The following ADH5 variants were observed in gnomAD, a reference collection of about 807,000 sequenced individuals.
The protein encoded by ADH5 is alcohol dehydrogenase class-3.
A neutral mutation model predicts 40.3 loss-of-function variants in ADH5; 32 were observed. The observed-to-expected ratio is 0.79, with a 90% CI of 0.60 to 1.07. The LOEUF is 1.07. Among genes scored for constraint, ADH5 ranks in the 50% least tolerant of loss-of-function variants. The probability of loss-of-function intolerance (pLI) is 0.00; values close to 1 mark genes in which losing one functional copy is unlikely to be tolerated. For missense variants in ADH5, 353 were observed against 460.5 expected, an observed-to-expected ratio of 0.77 and a Z score of 2.14; for synonymous variants, 125 against 154.3, an observed-to-expected ratio of 0.81 and a Z score of 1.41.
intron 4 of ADH5, among the ~76,000 whole-genome samples, chr4:99,078,779 A>G (rs1727973238): frequency 6.6e-6 from 1 of 152,214 alleles, no homozygotes; most frequent in Admixed American, 6.5e-5. Context: ...ACTGTATTCC[A>G]GAGGAGTTTC....
chr4:99,079,707 G>A (rs540974975), intron 4 of ADH5: 1 of 224,838 alleles, frequency 4.4e-6, no homozygotes, highest in East Asian at 1.5e-4. Flanking sequence ...AGTTCTTTCA[G>A]TGTTGTTACC....
At position 99,072,722 on chromosome 4, in the gene ADH5, T is replaced by C; in HGVS notation, c.962-11A>G. Reference sequence around the variant, plus strand: ...CTACACTCTTCCATCCTAAAAGAAATCACACATTAATTTATTCAACAAATT... The same window carrying C: ...CTACACTCTTCCATCCTAAAAGAAACCACACATTAATTTATTCAACAAATT... On this transcript the variant is annotated splice_polypyrimidine_tract_variant and intron_variant, in intron 7 of 8. Coordinates refer to ENST00000296412, the MANE Select transcript of ADH5 (RefSeq NM_000671.4). 1 of 1,598,518 alleles carries C rather than the reference T, an allele frequency of 6.3e-7. No individual in the cohort carries two copies. The highest frequency in any genetic ancestry group is 8.5e-7 in the Non-Finnish European group (1 of 1,175,124).
chr4:99,087,204 C>T (rs1395557832), intron 1 of ADH5, among the ~76,000 whole-genome samples: 3 of 151,408 alleles, frequency 2.0e-5, no homozygotes, highest in South Asian at 2.1e-4. Flanking sequence ...GCCACTATGG[C>T]GAAACCCCGT....
intron 4 of ADH5, 112 bp from the exon 5 acceptor site, chr4:99,077,035 C>G: frequency 1.3e-6 from 1 of 776,838 alleles, no homozygotes; most frequent in South Asian, 1.9e-5. Context: ...GTGTTGTAAA[C>G]TACAATTTCA....
intron 1 of ADH5, among the ~76,000 whole-genome samples, chr4:99,088,184 T>C (rs1023443271): frequency 6.6e-6 from 1 of 152,160 alleles, no homozygotes; most frequent in Non-Finnish European, 1.5e-5. Flanking sequence ...AAAATGTTTC[T>C]GAAAGGGACG....
chr4:99,087,859 T>C (rs1023475588), intron 1 of ADH5, among the ~76,000 whole-genome samples: 76 of 152,378 alleles, frequency 5.0e-4, no homozygotes, highest in African/African-American at 1.6e-3. Context: ...GTTTATTTCT[T>C]TCAAACTCCA....
chr4:99,078,440 G>A (rs886106648), intron 4 of ADH5, among the ~76,000 whole-genome samples: 3 of 151,996 alleles, frequency 2.0e-5, no homozygotes, highest in East Asian at 1.9e-4. Flanking sequence ...GGTTTTACTC[G>A]GTCGCCCAGG....
At chr4:99,078,679 G>C (rs974882269) in intron 4 of ADH5, among the ~76,000 whole-genome samples, 1 of 152,216 alleles carries the variant, frequency 6.6e-6, no homozygotes, top group African/African-American at 2.4e-5. Context: ...TGGGATTACA[G>C]GTGTGATCCA....
intron 4 of ADH5, among the ~76,000 whole-genome samples, chr4:99,077,311 C>T (rs1038680009): frequency 6.6e-6 from 1 of 152,046 alleles, no homozygotes. Context: ...CAACTTGGAG[C>T]CAGGATTTCA....
In ADH5 at chr4:99,075,025, T is replaced by C; in HGVS notation, c.850A>G (p.Lys284Glu). ...VMRAALEACH[K>E]GWGVSVVVGV... ...ACCACGACGCTGACGCCCCAGCCCT[T>C]GTGACATGCCTCAAGTGCTGCTCTC... Residue 284 changes from lysine (K) to glutamate (E), a missense_variant, in exon 7 of 9, where the codon AAG (lysine) becomes GAG (glutamate). Transcript: ENST00000296412. 6.2e-7 allele frequency: 1 copy of C among 1,612,198 alleles called. No homozygotes were observed. The highest frequency in any genetic ancestry group is 8.5e-7 in the Non-Finnish European group (1 of 1,178,726).
In ADH5 at chr4:99,076,723, G is replaced by C. The variant is rs377415917; in HGVS notation, c.545C>G (p.Ala182Gly). 6.8e-6 allele frequency: 11 copies of C among 1,613,994 alleles called. No individual in the cohort carries two copies. Among genetic ancestry groups the C allele is most frequent in the East Asian group, 6.7e-5 (3 of 44,892 alleles). ...TCTTACCTTGGCAGTGTTCACAGCA[G>C]CACCATAACCGGTTGAAATGCCACA... Reference protein sequence around the residue: ...LGCGISTGYGAAVNTAKLEPG... With the variant: ...LGCGISTGYGGAVNTAKLEPG... The change falls in exon 5 of 9, where the codon GCT becomes GGT. Residue 182 changes from alanine (A) to glycine (G), a missense_variant. Coordinates refer to ENST00000296412, the MANE Select transcript of ADH5 (RefSeq NM_000671.4).
chr4:99,082,140 ATG>A (rs774009901), intron 2 of ADH5, 24 bp from the exon 3 acceptor site: 2 of 1,609,222 alleles, frequency 1.2e-6, no homozygotes, highest in South Asian at 2.2e-5. Flanking sequence ...AAAACAACGA[ATG>A]TGTAAGTATG....
intron 4 of ADH5, chr4:99,080,041 T>C (rs763602562): frequency 2.2e-6 from 1 of 451,890 alleles, no homozygotes; most frequent in Non-Finnish European, 4.4e-6. Flanking sequence ...AAAGTTACTA[T>C]TAATACAATG....
intron 2 of ADH5, 138 bp downstream of exon 2, chr4:99,084,977 G>C (rs565587506): frequency 4.8e-6 from 2 of 417,106 alleles, no homozygotes; most frequent in Non-Finnish European, 8.4e-6. Context: ...TGTTGTGATT[G>C]TAAGGCTGGA....
Position 99,076,688 on chromosome 4 carries a change from C to T in ADH5, c.564+16G>A. 2 of 1,608,726 alleles carry T rather than the reference C, an allele frequency of 1.2e-6. No homozygotes were observed. Among genetic ancestry groups the T allele is most frequent in the East Asian group, 2.2e-5 (1 of 44,856 alleles). ...AATTAGAAGGCAGAAGCAAAAAACCCAAGTCAGTCTCTTACCTTGGCAGTG... is the reference window on the plus strand; with the variant it reads ...AATTAGAAGGCAGAAGCAAAAAACCTAAGTCAGTCTCTTACCTTGGCAGTG... On this transcript the variant is annotated intron_variant, in intron 5 of 8. Transcript: ENST00000296412.
intron 1 of ADH5, among the ~76,000 whole-genome samples, chr4:99,086,024 G>C (rs1490480202): frequency 1.7e-5 from 2 of 117,912 alleles, no homozygotes; most frequent in Admixed American, 1.7e-4. Context: ...GCAACAGAGC[G>C]AGACATCGTC....
At chr4:99,085,370 A>T in intron 1 of ADH5, 154 bp from the exon 2 acceptor site, 1 of 444,828 alleles carries the variant, frequency 2.2e-6, no homozygotes, top group Non-Finnish European at 4.0e-6. Flanking sequence ...TTTAGATTTC[A>T]CACAAATAGT....
chr4:99,088,047 C>A (rs29001345), intron 1 of ADH5, among the ~76,000 whole-genome samples: 3,476 of 152,272 alleles, frequency 0.023, 54 homozygotes, highest in Admixed American at 0.036. Flanking sequence ...AGCTCGCCAT[C>A]GTTGGTGTGA....
chr4:99,077,050 T>A lies in ADH5; in HGVS notation c.345-127A>T. ...GTGTTGTAAACTACAATTTCAAATATATTCATTAGTAATTTAGCACCTTGC... is the reference window on the plus strand; with the variant it reads ...GTGTTGTAAACTACAATTTCAAATAAATTCATTAGTAATTTAGCACCTTGC... On this transcript the variant is annotated intron_variant, in intron 4 of 8. Transcript: ENST00000296412. 1.5e-5 allele frequency: 10 copies of A among 686,594 alleles called. No homozygotes were observed. In the South Asian group the frequency reaches 2.0e-4, roughly 13 times the overall value. The allele number at this position is 686,594 out of a possible 1,614,324, so 42.5% of individuals were successfully genotyped here.
Sources: gnomAD v4.1 joint callset for allele counts (sites outside exome capture counted in the v4.1 genomes callset) on GRCh38, gnomAD v4.1.1 for gene constraint, MANE v1.5 for transcripts, NCBI Gene and HGNC (gene_info 2026-07-23, HGNC 2026-07-21) for gene names.